CAMTA1: variants seen among roughly 807,000 people sequenced by gnomAD.
CAMTA1 encodes calmodulin-binding transcription activator 1.
Under a neutral mutation model 170.9 loss-of-function variants are expected in CAMTA1, and 27 were observed. The ratio of observed to expected loss-of-function variants is 0.16; its 90% CI spans 0.12 to 0.22. The LOEUF (loss-of-function observed/expected upper bound fraction) is 0.22. Ranked by LOEUF, CAMTA1 falls within the 10% of genes least tolerant of loss-of-function variation. The probability of loss-of-function intolerance (pLI) is 1.00; values close to 1 mark genes in which losing one functional copy is unlikely to be tolerated. For missense variants in CAMTA1, 1,619 were observed against 2,217.2 expected, an observed-to-expected ratio of 0.73 and a Z score of 5.42; for synonymous variants, 833 against 891.5, an observed-to-expected ratio of 0.93 and a Z score of 1.17.
chr1:7,544,846 A>G (rs2150130202), intron 6 of CAMTA1, among the ~76,000 whole-genome samples: 1 of 152,326 alleles, frequency 6.6e-6, no homozygotes, highest in East Asian at 1.9e-4. Flanking sequence ...CGAAGAAGCC[A>G]GACTCTTTAA....
chr1:7,605,096 T>C (rs1326109416), intron 6 of CAMTA1, among the ~76,000 whole-genome samples: 1 of 152,160 alleles, frequency 6.6e-6, no homozygotes, highest in Non-Finnish European at 1.5e-5. Flanking sequence ...CTACCCCTAC[T>C]AGGGGGTGCC....
At chr1:7,716,188 G>A (rs892316079) in intron 11 of CAMTA1, among the ~76,000 whole-genome samples, 8 of 151,898 alleles carry the variant, frequency 5.3e-5, no homozygotes, top group Admixed American at 1.3e-4. Context: ...TCATGCCACC[G>A]TGCCCAGCTA....
At chr1:7,387,479 G>T (rs539105733) in intron 5 of CAMTA1, among the ~76,000 whole-genome samples, 1 of 152,074 alleles carries the variant, frequency 6.6e-6, no homozygotes, top group Non-Finnish European at 1.5e-5. Context: ...TGAGCTTCAC[G>T]GCTGCAGCTG....
rs544173198 is a variant in CAMTA1 at position 7,497,730 on chromosome 1, T to C, written c.510+29829T>C. ...CACAAACTCAGGGCCCAGAAGAGAA[T>C]ATGACAGAGCTCAGCCATGACGGCA... On this transcript the variant is annotated intron_variant, in intron 6 of 22. Coordinates refer to ENST00000303635, the MANE Select transcript of CAMTA1 (RefSeq NM_015215.4). Among the ~76,000 whole-genome samples the C allele has an allele frequency of 1.8e-3, 270 of 152,288 alleles. 1 individual carries two copies. The highest frequency in any genetic ancestry group is 5.8e-3 in the African/African-American group (241 of 41,546).
intron 1 of CAMTA1, among the ~76,000 whole-genome samples, chr1:6,813,998 A>G (rs998524734): frequency 1.3e-5 from 2 of 152,160 alleles, no homozygotes; most frequent in Non-Finnish European, 2.9e-5. Context: ...TATGAATTCT[A>G]TAAGTAATTT....
rs1471901071 is a variant in CAMTA1, at chr1:7,677,609, T to G, written c.2790T>G (p.Thr930=). Reference sequence around the variant, plus strand: ...TTCTCTCGCTTTCAGCCCATGACACTGGTCTTGTGACCCTACAAGTTGCCT... The same window carrying G: ...TTCTCTCGCTTTCAGCCCATGACACGGGTCTTGTGACCCTACAAGTTGCCT... The part of the protein sequence containing the change: ...VLRCYCPAHD[T]GLVTLQVAFN... Residue 930 remains threonine (T), a synonymous_variant, in exon 11 of 23, where the codon ACT becomes ACG. Coordinates refer to ENST00000303635, the MANE Select transcript of CAMTA1 (RefSeq NM_015215.4). The G allele has an allele frequency of 1.2e-6, 2 of 1,614,072 alleles. No homozygotes were observed. Among genetic ancestry groups the G allele is most frequent in the East Asian group, 2.2e-5 (1 of 44,878 alleles).
At chr1:7,394,868 GTTTCTTTTTT>G (rs1358716697) in intron 5 of CAMTA1, among the ~76,000 whole-genome samples, 1 of 101,256 alleles carries the variant, frequency 9.9e-6, no homozygotes, top group Non-Finnish European at 2.1e-5. Flanking sequence ...TGTGTGTGGT[GTTTCTTTTTT>G]TTTCTTTTTT....
chr1:7,219,568 AAAAAG>A (rs1660366416), intron 4 of CAMTA1: 1 of 148,828 alleles, frequency 6.7e-6, no homozygotes, highest in African/African-American at 2.5e-5. Flanking sequence ...AAAAAAAAAA[AAAAAG>A]GAGACACACC....
intron 3 of CAMTA1, among the ~76,000 whole-genome samples, chr1:6,957,255 C>G (rs1308343763): frequency 6.6e-6 from 1 of 152,142 alleles, no homozygotes; most frequent in African/African-American, 2.4e-5. Context: ...ACTGGTGATG[C>G]TGACACTGGG....
At chr1:6,984,990 A>G (rs1208466905) in intron 3 of CAMTA1, among the ~76,000 whole-genome samples, 1 of 152,220 alleles carries the variant, frequency 6.6e-6, no homozygotes, top group East Asian at 1.9e-4. Flanking sequence ...AGTTTTACGT[A>G]GACTGCCTAT....
intron 5 of CAMTA1, among the ~76,000 whole-genome samples, chr1:7,430,595 G>T (rs894308065): frequency 7.9e-5 from 12 of 152,178 alleles, no homozygotes; most frequent in East Asian, 7.7e-4. Context: ...TGGTGACAGG[G>T]ATCTTGATAT....
chr1:7,061,681 G>C (rs1162071257), intron 3 of CAMTA1, among the ~76,000 whole-genome samples: 1 of 149,912 alleles, frequency 6.7e-6, no homozygotes, highest in Non-Finnish European at 1.5e-5. Context: ...GGGAGAGCAG[G>C]GTGGGTTTGG....
At chr1:7,311,622 T>C (rs1389945682) in intron 5 of CAMTA1, among the ~76,000 whole-genome samples, 7 of 152,236 alleles carry the variant, frequency 4.6e-5, no homozygotes, top group Non-Finnish European at 1.0e-4. Flanking sequence ...CTAGTTGTTA[T>C]TATGCCAGCC....
At chr1:7,502,421 A>G (rs867807838) in intron 6 of CAMTA1, among the ~76,000 whole-genome samples, 6 of 152,330 alleles carry the variant, frequency 3.9e-5, no homozygotes, top group South Asian at 4.1e-4. Context: ...TAAAAATTTG[A>G]TGGGCTCCGG....
chr1:7,732,499 G>A lies in CAMTA1; in HGVS notation c.2966G>A (p.Arg989Lys). 6.2e-7 allele frequency: 1 copy of A among 1,614,006 alleles called. No individual in the cohort carries two copies. The highest frequency in any genetic ancestry group is 8.5e-7 in the Non-Finnish European group (1 of 1,180,020). ...GAACGACTGGAGCAGATGGAGAGGAGGATGGCCGAGATGACGGGGTCCCAG... is the reference window on the plus strand; with the variant it reads ...GAACGACTGGAGCAGATGGAGAGGAAGATGGCCGAGATGACGGGGTCCCAG... ...ILERLEQMER[R>K]MAEMTGSQQH... Residue 989 changes from arginine (R) to lysine (K), a missense_variant, in exon 12 of 23, where the codon AGG becomes AAG. Arg to Lys is a conservative substitution (Grantham distance 26, BLOSUM62 2). Around this residue, in one of 8 missense-constraint regions of CAMTA1, gnomAD observed 143 missense variants for 184.2 expected, o/e 0.78. Coordinates refer to ENST00000303635, the MANE Select transcript of CAMTA1 (RefSeq NM_015215.4). The surrounding 1 kb of genome is among the most constrained non-coding windows in gnomAD (Gnocchi z 4.1).
Position 7,614,566 on chromosome 1 carries a change from G to T in CAMTA1, c.511-25834G>T, listed in dbSNP as rs374303906. Among the ~76,000 whole-genome samples, 139 of 152,244 alleles carry T rather than the reference G, an allele frequency of 9.1e-4. 1 individual carries two copies. The highest frequency in any genetic ancestry group is 3.2e-3 in the African/African-American group (132 of 41,530). ...CCCCATTGGCGCTGACACGCTGAAG[G>T]CTCCCCAAAGCCACCACTTAAAAAA... is the stretch of plus-strand genomic sequence containing the variant. On this transcript the variant is annotated intron_variant, in intron 6 of 22. Transcript: ENST00000303635.
At chr1:7,105,661 G>A (rs1348893060) in intron 4 of CAMTA1, among the ~76,000 whole-genome samples, 1 of 152,180 alleles carries the variant, frequency 6.6e-6, no homozygotes, top group Non-Finnish European at 1.5e-5. Context: ...ATAACTTTGG[G>A]GCCAGACACA....
At chr1:7,142,428 G>A (rs1200994915) in intron 4 of CAMTA1, among the ~76,000 whole-genome samples, 2 of 152,162 alleles carry the variant, frequency 1.3e-5, no homozygotes, top group Non-Finnish European at 2.9e-5. Flanking sequence ...TGTGATGATG[G>A]GCAGGTGATG....
intron 3 of CAMTA1, among the ~76,000 whole-genome samples, chr1:7,043,855 T>C (rs951523968): frequency 6.6e-6 from 1 of 152,166 alleles, no homozygotes; most frequent in Admixed American, 6.5e-5. Flanking sequence ...TGGTTTCTCT[T>C]CCAGCTCTAA....
Sources: gnomAD v4.1 joint callset for allele counts (sites outside exome capture counted in the v4.1 genomes callset) on GRCh38, gnomAD v4.1.1 for gene constraint, gnomAD v4.1.1 regional missense constraint, Gnocchi (gnomAD v3.1) non-coding constraint, MANE v1.5 for transcripts, NCBI Gene and HGNC (gene_info 2026-07-23, HGNC 2026-07-21) for gene names.